MSRB2: variants seen among roughly 807,000 people sequenced by gnomAD.
MSRB2 encodes the protein methionine-R-sulfoxide reductase B2, mitochondrial.
A neutral mutation model predicts 19.0 loss-of-function variants in MSRB2; 17 were observed. The observed-to-expected ratio is 0.89, with a 90% CI of 0.61 to 1.34. The LOEUF (loss-of-function observed/expected upper bound fraction) is 1.34, where lower values mean the gene tolerates loss of function less well. Ranked by LOEUF, MSRB2 falls within the 40% of genes most tolerant of loss-of-function variation. The probability of loss-of-function intolerance (pLI) is 0.00; values close to 1 mark genes in which losing one functional copy is unlikely to be tolerated. For missense variants in MSRB2, 208 were observed against 237.6 expected (o/e 0.88, Z 0.82); for synonymous variants, 107 against 99.7 (o/e 1.07, Z -0.44).
intron 3 of MSRB2, among the ~76,000 whole-genome samples, chr10:23,114,685 A>G (rs1020162817): frequency 6.6e-6 from 1 of 152,214 alleles, no homozygotes; most frequent in Non-Finnish European, 1.5e-5. Flanking sequence ...CTTCATGTGC[A>G]TCGTTTCGTC....
At position 23,104,140 on chromosome 10, in the gene MSRB2, A is replaced by G. The variant is rs757994337; in HGVS notation, c.119-4A>G. 3.1e-6 allele frequency: 5 copies of G among 1,607,044 alleles called. No individual in the cohort carries two copies. The South Asian group carries it at 4.4e-5, about 14-fold the overall frequency. ...ATTTTTAAAATTCCTGTTTAACAATACAGGGTCTCTTGCAACGTGTGAGCT... is the reference window on the plus strand; with the variant it reads ...ATTTTTAAAATTCCTGTTTAACAATGCAGGGTCTCTTGCAACGTGTGAGCT... On this transcript the variant is annotated splice_region_variant and splice_polypyrimidine_tract_variant and intron_variant, in intron 1 of 4. Coordinates refer to ENST00000376510, the MANE Select transcript of MSRB2 (RefSeq NM_012228.4).
At chr10:23,114,582 G>C (rs1030286774) in intron 3 of MSRB2, among the ~76,000 whole-genome samples, 1 of 152,092 alleles carries the variant, frequency 6.6e-6, no homozygotes, top group African/African-American at 2.4e-5. Context: ...GATAGTGCAG[G>C]GATTTGGGCT....
At chr10:23,120,677 T>A in intron 4 of MSRB2, 81 bp from the exon 5 acceptor site, 1 of 1,037,554 alleles carries the variant, frequency 9.6e-7, no homozygotes, top group Non-Finnish European at 1.4e-6. Flanking sequence ...GTGGAGTGAT[T>A]TTGGGGGGGT....
At chr10:23,099,968 T>C (rs1271147642) in intron 1 of MSRB2, among the ~76,000 whole-genome samples, 2 of 152,224 alleles carry the variant, frequency 1.3e-5, no homozygotes, top group Admixed American at 1.3e-4. Flanking sequence ...GTACTGCCTG[T>C]TGAGTCACAC....
At chr10:23,116,376 A>G (rs1224859287) in intron 3 of MSRB2, among the ~76,000 whole-genome samples, 1 of 152,138 alleles carries the variant, frequency 6.6e-6, no homozygotes, top group African/African-American at 2.4e-5. Context: ...TTATGCTGAG[A>G]GGGTTGGCTA....
chr10:23,096,014 A>T (rs1839861052), intron 1 of MSRB2, among the ~76,000 whole-genome samples: 1 of 151,196 alleles, frequency 6.6e-6, no homozygotes, highest in African/African-American at 2.4e-5. Flanking sequence ...TGGGGGCATA[A>T]GTGGGGCTCG....
chr10:23,095,795 G>T, intron 1 of MSRB2, 69 bp downstream of exon 1: 1 of 1,077,772 alleles, frequency 9.3e-7, no homozygotes, highest in Non-Finnish European at 1.2e-6. Context: ...GGCTGCACCC[G>T]GGAGCCTAGG....
At chr10:23,111,661 C>T (rs1840055497) in intron 3 of MSRB2, among the ~76,000 whole-genome samples, 1 of 152,154 alleles carries the variant, frequency 6.6e-6, no homozygotes, top group South Asian at 2.1e-4. Flanking sequence ...GAGCAGAAAG[C>T]TCTGTCCAGT....
chr10:23,120,903 G>T lies in MSRB2; in HGVS notation c.*41G>T. The T allele has an allele frequency of 6.9e-7, 1 of 1,459,602 alleles. No individual in the cohort carries two copies. Among genetic ancestry groups the T allele is most frequent in the East Asian group, 2.3e-5 (1 of 44,000 alleles). 90.4% of individuals were successfully genotyped at this position (1,459,602 alleles called of 1,614,324 possible). A position where few individuals can be genotyped will look rare whatever the true frequency, so the allele number is the denominator to read the frequency against. ...CCGTTCCCTTGCCACCCCTTCACGTGCACCCTCAATTTCCACAATTCACTT... is the reference window on the plus strand; with the variant it reads ...CCGTTCCCTTGCCACCCCTTCACGTTCACCCTCAATTTCCACAATTCACTT... On this transcript the variant is annotated 3_prime_UTR_variant, in exon 5 of 5. Coordinates refer to ENST00000376510, the MANE Select transcript of MSRB2 (RefSeq NM_012228.4).
At chr10:23,109,379 G>A (rs927672838) in intron 2 of MSRB2, among the ~76,000 whole-genome samples, 6 of 151,826 alleles carry the variant, frequency 4.0e-5, no homozygotes, top group African/African-American at 9.7e-5. Flanking sequence ...GTGAAACCCC[G>A]TAAAAGTACA....
intron 1 of MSRB2, among the ~76,000 whole-genome samples, chr10:23,100,242 C>T (rs950731758): frequency 5.9e-5 from 9 of 152,102 alleles, no homozygotes; most frequent in Admixed American, 3.9e-4. Flanking sequence ...AATTCCCCCA[C>T]GGGACCAGAG....
intron 3 of MSRB2, among the ~76,000 whole-genome samples, chr10:23,118,033 C>T (rs1840132018): frequency 6.6e-6 from 1 of 152,148 alleles, no homozygotes. Flanking sequence ...CTAAGCATTT[C>T]AGATAAGGGG....
At position 23,119,282 on chromosome 10, in the gene MSRB2, G is replaced by A. The variant is rs763803058; in HGVS notation, c.297-22G>A. ...AATGACAGTGTCATTAGCAGCTGTA[G>A]TATCGTTTATGTCTTCCACAGTTCT... On this transcript the variant is annotated intron_variant, in intron 3 of 4. Transcript: ENST00000376510. 5.6e-6 allele frequency: 9 copies of A among 1,612,562 alleles called. No homozygotes were observed. In the East Asian group the frequency reaches 1.3e-4, roughly 24 times the overall value.
chr10:23,106,765 A>G (rs1381989170), intron 2 of MSRB2, among the ~76,000 whole-genome samples: 1 of 152,162 alleles, frequency 6.6e-6, no homozygotes, highest in Non-Finnish European at 1.5e-5. Flanking sequence ...AGTGGAGGCC[A>G]TGGCTTCTCA....
chr10:23,110,191 C>T (rs1840034046), intron 2 of MSRB2, 51 bp from the exon 3 acceptor site: 1 of 1,434,138 alleles, frequency 7.0e-7, no homozygotes, highest in African/African-American at 1.4e-5. Flanking sequence ...TGTTTCAACT[C>T]CTGCCAGTAG....
intron 2 of MSRB2, among the ~76,000 whole-genome samples, chr10:23,105,976 G>T (rs1327500162): frequency 2.0e-5 from 3 of 152,174 alleles, no homozygotes; most frequent in African/African-American, 7.2e-5. Flanking sequence ...GATACTCTGT[G>T]AGCAGTTGTA....
chr10:23,104,180 G>A lies in MSRB2; in HGVS notation c.155G>A (p.Ser52Asn), dbSNP rs199630858. The A allele has an allele frequency of 5.3e-5, 85 of 1,614,038 alleles. 1 individual carries two copies. In the Admixed American group the frequency reaches 1.4e-3, roughly 26 times the overall value. ...ACGTGTGAGCTGCCTCTTGCCAAGA[G>A]TGAGTGGCAAAAGAAACTAACCCCG... ...LATCELPLAK[S>N]EWQKKLTPEQ... The change falls in exon 2 of 5, where the codon AGT (serine) becomes AAT (asparagine). Residue 52 changes from serine (S) to asparagine (N), a missense_variant. By Grantham distance (46) the Ser-to-Asn change is conservative. Transcript: ENST00000376510.
chr10:23,109,520 G>A (rs1165903244), intron 2 of MSRB2, among the ~76,000 whole-genome samples: 3 of 145,960 alleles, frequency 2.1e-5, no homozygotes, highest in Non-Finnish European at 4.5e-5. Context: ...TCCAGCCTGG[G>A]TGACAGTGAG....
rs767861534 is a variant in MSRB2, at chr10:23,110,279, G to C, written c.257G>C (p.Gly86Ala). Residue 86 changes from glycine (G) to alanine (A), a missense_variant, in exon 3 of 5, where the codon GGA becomes GCA. Transcript: ENST00000376510. ...SGIYLNNKEA[G>A]MYHCVCCDSP... ...ATCTACCTGAATAACAAGGAAGCAG[G>C]AATGTATCATTGCGTGTGCTGCGAC... 1 of 1,613,992 alleles carries C rather than the reference G, an allele frequency of 6.2e-7. No individual in the cohort carries two copies. The highest frequency in any genetic ancestry group is 1.3e-5 in the African/African-American group (1 of 75,046).
Sources: gnomAD v4.1 joint callset for allele counts (sites outside exome capture counted in the v4.1 genomes callset) on GRCh38, gnomAD v4.1.1 for gene constraint, MANE v1.5 for transcripts, NCBI Gene and HGNC (gene_info 2026-07-23, HGNC 2026-07-21) for gene names.